SELP: variants seen among roughly 807,000 people sequenced by gnomAD.
SELP encodes selectin P.
SELP carries 92 observed loss-of-function variants against 104.1 expected under a neutral mutation model. The ratio of observed to expected loss-of-function variants is 0.88; its 90% CI spans 0.75 to 1.05. SELP has a LOEUF of 1.05. SELP is among the 50% of genes least tolerant of loss of function. The probability of loss-of-function intolerance (pLI) is 0.00; values close to 1 mark genes in which losing one functional copy is unlikely to be tolerated. For missense variants in SELP, 1,022 were observed against 1,017.3 expected (o/e 1.00, Z -0.06); for synonymous variants, 397 against 364.5 (o/e 1.09, Z -1.01).
intron 10 of SELP, among the ~76,000 whole-genome samples, chr1:169,599,628 C>T (rs973901842): frequency 1.3e-5 from 2 of 152,012 alleles, no homozygotes; most frequent in Admixed American, 6.6e-5. Context: ...AGAGTTTTCT[C>T]AATAATTTTC....
At chr1:169,606,873 G>T in intron 9 of SELP, 76 bp downstream of exon 9, 1 of 1,315,636 alleles carries the variant, frequency 7.6e-7, no homozygotes, top group South Asian at 1.3e-5. Context: ...TTACATAGTT[G>T]TCACCTCTAA....
chr1:169,599,331 A>G (rs531000021), intron 10 of SELP, among the ~76,000 whole-genome samples: 1 of 147,514 alleles, frequency 6.8e-6, no homozygotes, highest in South Asian at 2.2e-4. Flanking sequence ...AAGTGGTCAT[A>G]TTCTTGAGCC....
intron 10 of SELP, among the ~76,000 whole-genome samples, chr1:169,599,320 G>C (rs1264162783): frequency 6.8e-6 from 1 of 148,116 alleles, no homozygotes; most frequent in Non-Finnish European, 1.5e-5. Context: ...ATAACTTTGA[G>C]AAGTGGTCAT....
chr1:169,610,429 C>G (rs907793470), intron 7 of SELP, among the ~76,000 whole-genome samples: 1 of 152,124 alleles, frequency 6.6e-6, no homozygotes, highest in African/African-American at 2.4e-5. Context: ...ATTTCTGAAA[C>G]TTTTCAAAGT....
intron 5 of SELP, 76 bp downstream of exon 5, chr1:169,612,853 T>G (rs1662612048): frequency 2.4e-6 from 3 of 1,247,432 alleles, no homozygotes; most frequent in Non-Finnish European, 3.3e-6. Flanking sequence ...CATTTTTTAA[T>G]GGAGAAAGCT....
intron 10 of SELP, among the ~76,000 whole-genome samples, chr1:169,597,583 A>G (rs1377540456): frequency 6.6e-6 from 1 of 152,164 alleles, no homozygotes; most frequent in African/African-American, 2.4e-5. Flanking sequence ...TTGCTCCCAT[A>G]TATCATGCCA....
Position 169,617,102 on chromosome 1 carries a change from A to T in SELP, c.407T>A (p.Ile136Asn), listed in dbSNP as rs1040340421. 59 of 1,613,590 alleles carry T rather than the reference A, an allele frequency of 3.7e-5. No homozygotes were observed. Among genetic ancestry groups the T allele is most frequent in the Non-Finnish European group, 5.0e-5 (59 of 1,179,918 alleles). ...RNNEDCVEIY[I>N]KSPSAPGKWN... ...CTTGCCAGGGGCTGACGGACTCTTG[A>T]TGTATATCTCCACGCAGTCCTCGTT... The change falls in exon 3 of 17, where the codon ATC becomes AAC. Residue 136 changes from isoleucine to asparagine, a missense_variant. By Grantham distance (149) the Ile-to-Asn change is moderately radical (BLOSUM62 -3). Coordinates refer to ENST00000263686, the MANE Select transcript of SELP (RefSeq NM_003005.4).
chr1:169,603,111 A>G lies in SELP; in HGVS notation c.1620T>C (p.Cys540=), dbSNP rs1661992366. ...GTCCAGACAAAGAATATCCCTCGTC[A>G]CAGATGAATTGACATGTGGATTTAT... is the stretch of plus-strand genomic sequence containing the variant. ...SSYKSTCQFI[C]DEGYSLSGPE... is the part of the protein sequence containing the mutation. The change falls in exon 10 of 17, where the codon TGT becomes TGC. Residue 540 remains cysteine (C), a synonymous_variant. Transcript: ENST00000263686. The G allele has an allele frequency of 1.2e-6, 2 of 1,614,016 alleles. No homozygotes were observed. The highest frequency in any genetic ancestry group is 1.7e-5 in the Admixed American group (1 of 59,994).
intron 1 of SELP, among the ~76,000 whole-genome samples, chr1:169,623,207 GA>G (rs1386435839): frequency 1.3e-5 from 2 of 152,086 alleles, no homozygotes; most frequent in East Asian, 3.9e-4. Flanking sequence ...ACAGATTGCA[GA>G]AGGAGTGCAA....
intron 12 of SELP, among the ~76,000 whole-genome samples, chr1:169,595,667 A>T (rs1406001570): frequency 1.3e-5 from 2 of 152,184 alleles, no homozygotes; most frequent in Non-Finnish European, 2.9e-5. Flanking sequence ...TTTCTAACAC[A>T]TCTTGGACAT....
At chr1:169,617,501 G>A in intron 2 of SELP, 87 bp from the exon 3 acceptor site, 1 of 1,360,126 alleles carries the variant, frequency 7.4e-7, no homozygotes, top group East Asian at 2.3e-5. Flanking sequence ...ATACTCAGAT[G>A]AATTTCCGAC....
chr1:169,613,840 A>G (rs1662674802), intron 3 of SELP, 147 bp from the exon 4 acceptor site: 1 of 648,996 alleles, frequency 1.5e-6, no homozygotes, highest in African/African-American at 1.8e-5. Flanking sequence ...TAGAGAGCCA[A>G]CCTGTCCCTT....
chr1:169,602,715 G>A (rs1183863785), intron 10 of SELP, among the ~76,000 whole-genome samples: 2 of 152,068 alleles, frequency 1.3e-5, no homozygotes, highest in African/African-American at 2.4e-5. Context: ...GGGTTCAAGC[G>A]ATTCTCCTGC....
chr1:169,624,528 T>A (rs1452400886), intron 1 of SELP, among the ~76,000 whole-genome samples: 1 of 152,154 alleles, frequency 6.6e-6, no homozygotes, highest in African/African-American at 2.4e-5. Context: ...GGTGGGCAGA[T>A]CACTTGAGGT....
chr1:169,609,539 A>T lies in SELP; in HGVS notation c.1298T>A (p.Leu433Ter). 1 of 1,613,948 alleles carries T rather than the reference A, an allele frequency of 6.2e-7. No individual in the cohort carries two copies. Among genetic ancestry groups the T allele is most frequent in the Admixed American group, 1.7e-5 (1 of 60,000 alleles). ...RGADIVRCDN[L>*]GQWTAPAPVC... ...TGGGGCTGGTGCTGTCCACTGTCCC[A>T]AGTTATCACACCGAACTATATCGGC... Residue 433 changes from leucine to a stop codon, truncating the protein, a stop_gained, in exon 8 of 17, where the codon TTG (leucine) becomes TAG (stop). Transcript: ENST00000263686. LOFTEE classifies it high-confidence loss of function.
chr1:169,616,424 T>G (rs1662814187), intron 3 of SELP, among the ~76,000 whole-genome samples: 1 of 152,226 alleles, frequency 6.6e-6, no homozygotes, highest in South Asian at 2.1e-4. Flanking sequence ...GATTACTTAA[T>G]AGCTCTGAGC....
chr1:169,595,002 A>T, intron 12 of SELP, 125 bp from the exon 13 acceptor site: 1 of 751,060 alleles, frequency 1.3e-6, no homozygotes, highest in Non-Finnish European at 2.1e-6. Context: ...AAAGGATATG[A>T]GCCACTTCCA....
At chr1:169,601,911 T>C (rs1661928847) in intron 10 of SELP, among the ~76,000 whole-genome samples, 1 of 152,164 alleles carries the variant, frequency 6.6e-6, no homozygotes, top group Admixed American at 6.5e-5. Context: ...ACTGGTCTCA[T>C]TATTACTAAC....
Position 169,594,779 on chromosome 1 carries a change from A to C in SELP, c.2200T>G (p.Cys734Gly). 6.2e-7 allele frequency: 1 copy of C among 1,613,896 alleles called. No individual in the cohort carries two copies. The highest frequency in any genetic ancestry group is 1.3e-5 in the African/African-American group (1 of 75,032). ...FSYGSICSFHCLEGQLLNGSA... is the reference protein window; with the variant it reads ...FSYGSICSFHGLEGQLLNGSA... ...CCATTAAGTAACTGGCCCTCTAGAC[A>C]ATGGAAAGAGCAGATTGATCCATAA... Residue 734 changes from cysteine (C) to glycine (G), a missense_variant, in exon 13 of 17, where the codon TGT (cysteine) becomes GGT (glycine). By Grantham distance (159) the Cys-to-Gly change is radical (BLOSUM62 -3). Transcript: ENST00000263686.
Sources: allele counts gnomAD v4.1 joint callset (sites outside exome capture counted in the v4.1 genomes callset), GRCh38; gene constraint gnomAD v4.1.1; transcripts MANE v1.5; gene names NCBI Gene and HGNC (gene_info 2026-07-23, HGNC 2026-07-21).